Variants in FCGR2B observed in about 807,000 individuals in gnomAD.
The protein encoded by FCGR2B is Fc gamma receptor IIb, also known as low affinity immunoglobulin gamma Fc region receptor II-b.
FCGR2B carries 18 observed loss-of-function variants against 24.8 expected under a neutral mutation model. That is an observed-to-expected ratio of 0.73 (90% CI 0.50 to 1.08). The LOEUF is 1.08. Among genes scored for constraint, FCGR2B ranks in the 50% least tolerant of loss-of-function variants. The pLI is 0.00. For synonymous variants in FCGR2B, 79 were observed against 109.8 expected, an observed-to-expected ratio of 0.72 and a Z score of 1.75; for missense variants, 215 against 297.6, an observed-to-expected ratio of 0.72 and a Z score of 2.04.
intron 3 of FCGR2B, 83 bp from the exon 4 acceptor site, chr1:161,672,892 C>G: frequency 6.4e-7 from 1 of 1,572,692 alleles, no homozygotes; most frequent in Non-Finnish European, 8.6e-7. Context: ...CTCTGCACAT[C>G]GTGTCCCACC....
At chr1:161,653,485 C>A in the FCGR2B span, among the ~76,000 whole-genome samples, 1 of 137,048 alleles carries the variant, frequency 7.3e-6, no homozygotes, top group Non-Finnish European at 1.6e-5. Flanking sequence ...CTCCATCCTG[C>A]TTCTAACCCA....
the FCGR2B span, among the ~76,000 whole-genome samples, chr1:161,651,861 A>G: frequency 2.4e-5 from 3 of 127,272 alleles, no homozygotes; most frequent in Admixed American, 9.0e-5. Flanking sequence ...TGAACCCAGG[A>G]GGCAGAGGTT....
intron 5 of FCGR2B, chr1:161,674,870 T>C (rs1681980178): frequency 6.3e-6 from 1 of 159,138 alleles, no homozygotes; most frequent in African/African-American, 2.5e-5. Flanking sequence ...AAAGAAAGAA[T>C]CCTGCTAACA....
Position 161,669,524 on chromosome 1 carries a change from C to T in FCGR2B, c.113-728C>T, listed in dbSNP as rs1177680080. ...GGCGGAGGTTGCAGTGAGCCAAGAT[C>T]GCGTTATTGCACTCCAGCCTGGGTG... On this transcript the variant is annotated intron_variant, in intron 1 of 7. Coordinates refer to ENST00000358671, the MANE Select transcript of FCGR2B (RefSeq NM_001394477.1). 2.8e-5 allele frequency among the ~76,000 whole-genome samples: 4 copies of T among 142,544 alleles called. 1 individual carries two copies. The highest frequency in any genetic ancestry group is 6.3e-5 in the Non-Finnish European group (4 of 63,276). The allele number at this position is 142,544 out of a possible 152,430, so 93.5% of individuals were successfully genotyped here.
chr1:161,672,686 G>A, intron 3 of FCGR2B: 1 of 491,164 alleles, frequency 2.0e-6, no homozygotes, highest in Non-Finnish European at 3.6e-6. Flanking sequence ...GCCTTCCTGG[G>A]AGAAGGAGGA....
chr1:161,651,779 C>A, the FCGR2B span, among the ~76,000 whole-genome samples: 2 of 120,650 alleles, frequency 1.7e-5, no homozygotes, highest in Non-Finnish European at 3.8e-5. Flanking sequence ...ACTAAAAACA[C>A]AAAATTAGCC....
chr1:161,651,434 C>T, the FCGR2B span, among the ~76,000 whole-genome samples: 3 of 92,980 alleles, frequency 3.2e-5, no homozygotes, highest in Non-Finnish European at 7.4e-5. Context: ...AAAGTATTAT[C>T]GTGCATTAGA....
rs763682910 is a variant in FCGR2B at position 161,677,464 on chromosome 1, T to C, written c.856-12T>C. 44 of 1,613,446 alleles carry C rather than the reference T, an allele frequency of 2.7e-5. No individual in the cohort carries two copies. Among genetic ancestry groups the C allele is most frequent in the Non-Finnish European group, 3.6e-5 (43 of 1,179,480 alleles). ...TCTGTGGATCCTTACTGCTGGTTTC[T>C]GCCTTCTCTAGGCTGAGAACACAAT... On this transcript the variant is annotated splice_polypyrimidine_tract_variant and intron_variant, in intron 7 of 7. Transcript: ENST00000358671.
At chr1:161,649,407 C>T in the FCGR2B span, among the ~76,000 whole-genome samples, 3 of 150,958 alleles carry the variant, frequency 2.0e-5, no homozygotes, top group South Asian at 2.1e-4. Flanking sequence ...CATTTCAGCA[C>T]AAAGAATGGA....
At chr1:161,672,512 A>G (rs1422947902) in intron 3 of FCGR2B, 1 of 192,898 alleles carries the variant, frequency 5.2e-6, no homozygotes, top group Non-Finnish European at 1.1e-5. Context: ...TTTGTTGCAC[A>G]TTCATGACTT....
intron 6 of FCGR2B, 167 bp from the exon 7 acceptor site, chr1:161,677,161 A>G: frequency 1.4e-6 from 1 of 693,636 alleles, no homozygotes; most frequent in South Asian, 1.7e-5. Context: ...CTATGCATCG[A>G]TCAATGAGGT....
chr1:161,677,511 C>A lies in FCGR2B; in HGVS notation c.891C>A (p.His297Gln). 2.5e-6 allele frequency: 4 copies of A among 1,614,078 alleles called. No homozygotes were observed. The South Asian group carries it at 4.4e-5, about 18-fold the overall frequency. Residue 297 changes from histidine to glutamine, a missense_variant, in exon 8 of 8, where the codon CAC becomes CAA. Coordinates refer to ENST00000358671, the MANE Select transcript of FCGR2B (RefSeq NM_001394477.1). ...CAATCACCTATTCACTTCTCATGCA[C>A]CCGGATGCTCTGGAAGAGCCTGATG... The part of the protein sequence containing the change: ...ENTITYSLLM[H>Q]PDALEEPDDQ...
At position 161,677,882 on chromosome 1, in the gene FCGR2B, C is replaced by T. The variant is rs569504992; in HGVS notation, c.*329C>T. On this transcript the variant is annotated 3_prime_UTR_variant, in exon 8 of 8. Transcript: ENST00000358671. Reference sequence around the variant, plus strand: ...TGGGAAATGCTTATGTTACAGGTTACGTGAGAACAATCATGTAAATCTATA... The same window carrying T: ...TGGGAAATGCTTATGTTACAGGTTATGTGAGAACAATCATGTAAATCTATA... The T allele has an allele frequency of 2.9e-5, 9 of 306,948 alleles. No homozygotes were observed. The East Asian group carries it at 3.2e-4, about 11-fold the overall frequency. The allele number at this position is 306,948 out of a possible 1,614,324, so 19.0% of individuals were successfully genotyped here. A position where few individuals can be genotyped will look rare whatever the true frequency, so the allele number is the denominator to read the frequency against.
At chr1:161,661,189 G>GGAAAGAAAGAAAGAAA (rs201423251), upstream of FCGR2B, among the ~76,000 whole-genome samples, 6 of 70,664 alleles carry the variant, frequency 8.5e-5, no homozygotes, top group East Asian at 5.0e-4. Context: ...AAGGAAGAAA[G>GGAAAGAAAGAAAGAAA]GAAAGAAAGA....
At chr1:161,673,501 C>T (rs1458502810) in intron 4 of FCGR2B, 5 of 723,790 alleles carry the variant, frequency 6.9e-6, no homozygotes, top group African/African-American at 1.7e-5. Context: ...AGAGCTCCCT[C>T]GTTGGTGCAG....
At chr1:161,649,424 T>G in the FCGR2B span, among the ~76,000 whole-genome samples, 2 of 151,082 alleles carry the variant, frequency 1.3e-5, no homozygotes, top group Non-Finnish European at 2.9e-5. Flanking sequence ...TGGAAGTTCA[T>G]TTCTCACCAT....
chr1:161,671,917 A>C, intron 3 of FCGR2B: 1 of 595,288 alleles, frequency 1.7e-6, no homozygotes. Context: ...GGCAGAATTG[A>C]AAAGCACAGA....
At position 161,675,287 on chromosome 1, in the gene FCGR2B, TG is replaced by T. The variant is rs775802959; in HGVS notation, c.794del (p.Gly265GlufsTer96). 1.9e-6 allele frequency: 3 copies of T among 1,606,228 alleles called. No homozygotes were observed. The highest frequency in any genetic ancestry group is 2.5e-6 in the Non-Finnish European group (3 of 1,176,806). On this transcript the variant is annotated frameshift_variant, in exon 6 of 8. Coordinates refer to ENST00000358671, the MANE Select transcript of FCGR2B (RefSeq NM_001394477.1). LOFTEE classifies it high-confidence loss of function. ...CCAGGATACCCTGAGTGCAGGGAAA[TG>T]GGAGAGACCCTCCCTGAGAAACCAG... The part of the protein sequence containing the change: ...ALPGYPECRE[M>X]GETLPEKPAN...
intron 1 of FCGR2B, among the ~76,000 whole-genome samples, chr1:161,667,486 G>T (rs570512123): frequency 0.019 from 2,005 of 108,340 alleles, 557 homozygotes; most frequent in African/African-American, 0.067. Context: ...GAATACAGGT[G>T]CATTTGGTAG....
Sources: gnomAD v4.1 joint callset for allele counts (sites outside exome capture counted in the v4.1 genomes callset) on GRCh38, gnomAD v4.1.1 for gene constraint, MANE v1.5 for transcripts, NCBI Gene and HGNC (gene_info 2026-07-23, HGNC 2026-07-21) for gene names.